The following PCDH7 variants were observed in gnomAD, a reference collection of about 807,000 sequenced individuals.
PCDH7 encodes protocadherin 7.
Under a neutral mutation model 58.9 loss-of-function variants are expected in PCDH7, and 17 were observed. That is an observed-to-expected ratio of 0.29 (90% CI 0.20 to 0.43). The LOEUF is 0.43. PCDH7 is among the 20% of genes least tolerant of loss of function. PCDH7 has a pLI of 1.00. For synonymous variants in PCDH7, 664 were observed against 616.4 expected, an observed-to-expected ratio of 1.08 and a Z score of -1.14; for missense variants, 1,274 against 1,441.0, an observed-to-expected ratio of 0.88 and a Z score of 1.88.
intron 1 of PCDH7, among the ~76,000 whole-genome samples, chr4:30,828,162 G>A (rs1027661140): frequency 2.0e-5 from 3 of 151,920 alleles, no homozygotes; most frequent in Non-Finnish European, 4.4e-5. Flanking sequence ...TACTATTATT[G>A]TTAGTTTTGA....
chr4:30,926,568 A>C (rs915756085), intron 2 of PCDH7, among the ~76,000 whole-genome samples: 5 of 152,224 alleles, frequency 3.3e-5, no homozygotes, highest in African/African-American at 1.2e-4. Flanking sequence ...AGCATTTTTA[A>C]ATTACCAGTA....
intron 3 of PCDH7, among the ~76,000 whole-genome samples, chr4:30,961,967 T>C (rs559954139): frequency 5.4e-4 from 83 of 152,320 alleles, no homozygotes; most frequent in African/African-American, 1.9e-3. Context: ...CTCCCACTCA[T>C]CTCTTAATTA....
intron 3 of PCDH7, among the ~76,000 whole-genome samples, chr4:31,015,512 A>G (rs4550875): frequency 0.39 from 59,056 of 151,896 alleles, 13,619 homozygotes; most frequent in African/African-American, 0.64. Context: ...TAAAAATCAT[A>G]TTTTACAAGC....
chr4:30,835,651 G>A (rs897269943), intron 1 of PCDH7, among the ~76,000 whole-genome samples: 2 of 152,046 alleles, frequency 1.3e-5, no homozygotes, highest in African/African-American at 4.8e-5. Context: ...CCAGGGCTTG[G>A]ACATTTTAAT....
chr4:30,857,984 T>A (rs940238859), intron 1 of PCDH7, among the ~76,000 whole-genome samples: 5 of 152,138 alleles, frequency 3.3e-5, no homozygotes, highest in African/African-American at 1.2e-4. Context: ...CAGAATTAAG[T>A]AAAGAATAAA....
intron 1 of PCDH7, among the ~76,000 whole-genome samples, chr4:30,860,005 G>A (rs1733995539): frequency 6.6e-6 from 1 of 152,104 alleles, no homozygotes; most frequent in African/African-American, 2.4e-5. Context: ...TCATTGGTGG[G>A]GAAATTCCAA....
chr4:30,850,847 T>C (rs1337659260), intron 1 of PCDH7, among the ~76,000 whole-genome samples: 1 of 152,082 alleles, frequency 6.6e-6, no homozygotes, highest in East Asian at 1.9e-4. Flanking sequence ...TTCTTGATTT[T>C]CTCCCAACAT....
rs962932481 is a variant in PCDH7, at chr4:30,728,290, T to G, written c.3175-2463T>G. ...ATACATACATATGTATATATATATA[T>G]ATATATAGAGAGAGAGAGAGAGAGA... On this transcript the variant is annotated intron_variant, in intron 1 of 1. Transcript: ENST00000361762. Among the ~76,000 whole-genome samples the G allele has an allele frequency of 5.4e-4, 51 of 93,754 alleles. 1 individual carries two copies. In the South Asian group the frequency reaches 5.9e-3, roughly 11 times the overall value. 61.5% of individuals were successfully genotyped at this position (93,754 alleles called of 152,430 possible). A position where few individuals can be genotyped will look rare whatever the true frequency, so the allele number is the denominator to read the frequency against.
At chr4:31,016,922 T>A (rs1173748789) in intron 3 of PCDH7, among the ~76,000 whole-genome samples, 1 of 150,334 alleles carries the variant, frequency 6.7e-6, no homozygotes, top group Non-Finnish European at 1.5e-5. Context: ...TGTGTGTGTG[T>A]ACTGGGTGTG....
At chr4:30,962,584 T>A (rs11942794) in intron 3 of PCDH7, among the ~76,000 whole-genome samples, 1 of 151,346 alleles carries the variant, frequency 6.6e-6, no homozygotes, top group Non-Finnish European at 1.5e-5. Flanking sequence ...CCCAGGAGTT[T>A]GAGACCATCC....
intron 1 of PCDH7, among the ~76,000 whole-genome samples, chr4:30,754,188 G>GTGTGTGTGTT (rs1039079090): frequency 1.8e-4 from 26 of 141,024 alleles, no homozygotes; most frequent in Admixed American, 3.4e-4. Context: ...GTGTGTGTGT[G>GTGTGTGTGTT]TTTTTTCTGG....
intron 3 of PCDH7, among the ~76,000 whole-genome samples, chr4:31,042,184 A>C (rs911204690): frequency 6.6e-6 from 1 of 152,108 alleles, no homozygotes; most frequent in Non-Finnish European, 1.5e-5. Context: ...ATTTTTATTC[A>C]TATGTTTGAT....
intron 3 of PCDH7, among the ~76,000 whole-genome samples, chr4:31,097,616 A>G (rs1367442981): frequency 2.7e-5 from 1 of 36,882 alleles, no homozygotes; most frequent in Non-Finnish European, 4.1e-5. Flanking sequence ...ATATATATAT[A>G]TATATATATA....
At chr4:31,009,178 T>A (rs917408305) in intron 3 of PCDH7, among the ~76,000 whole-genome samples, 2 of 152,132 alleles carry the variant, frequency 1.3e-5, no homozygotes, top group Non-Finnish European at 2.9e-5. Context: ...TTTTATTTAT[T>A]GTAAATGTAA....
chr4:30,734,440 G>A (rs895624862), downstream of PCDH7, among the ~76,000 whole-genome samples: 3 of 151,984 alleles, frequency 2.0e-5, no homozygotes, highest in Non-Finnish European at 2.9e-5. Flanking sequence ...CACCATTTCG[G>A]TCAGGCTGGT....
intron 1 of PCDH7, among the ~76,000 whole-genome samples, chr4:30,840,451 C>T (rs375307886): frequency 4.6e-4 from 70 of 152,222 alleles, no homozygotes; most frequent in African/African-American, 1.6e-3. Flanking sequence ...TATTACGTCC[C>T]TTGACCACCT....
intron 1 of PCDH7, among the ~76,000 whole-genome samples, chr4:30,897,256 G>A (rs1367880299): frequency 1.3e-5 from 2 of 152,182 alleles, no homozygotes; most frequent in East Asian, 1.9e-4. Flanking sequence ...CTTTGTCAGA[G>A]ACTATACAAA....
chr4:30,937,262 A>G (rs1015055258), intron 2 of PCDH7, among the ~76,000 whole-genome samples: 4 of 152,056 alleles, frequency 2.6e-5, no homozygotes, highest in African/African-American at 9.7e-5. Context: ...GTAAACTCAG[A>G]TTTTTCCTTC....
intron 1 of PCDH7, among the ~76,000 whole-genome samples, chr4:30,770,539 G>C (rs1721267203): frequency 6.6e-6 from 1 of 152,162 alleles, no homozygotes; most frequent in Non-Finnish European, 1.5e-5. Context: ...ATGATAGCTT[G>C]TACATTTCTG....
Sources: allele counts gnomAD v4.1 joint callset (sites outside exome capture counted in the v4.1 genomes callset), GRCh38; gene constraint gnomAD v4.1.1; transcripts MANE v1.5; gene names NCBI Gene and HGNC (gene_info 2026-07-23, HGNC 2026-07-21).